The following ZNRF3 variants were observed in gnomAD, a reference collection of about 807,000 sequenced individuals.
ZNRF3 encodes E3 ubiquitin-protein ligase ZNRF3.
A neutral mutation model predicts 72.5 loss-of-function variants in ZNRF3; 23 were observed. The ratio of observed to expected loss-of-function variants is 0.32; its 90% CI spans 0.23 to 0.45. ZNRF3 has a LOEUF of 0.45. Ranked by LOEUF, ZNRF3 falls within the 20% of genes least tolerant of loss-of-function variation. ZNRF3 has a pLI of 1.00. For missense variants in ZNRF3, 1,169 were observed against 1,272.1 expected, an observed-to-expected ratio of 0.92 and a Z score of 1.23; for synonymous variants, 610 against 545.3, an observed-to-expected ratio of 1.12 and a Z score of -1.65.
At chr22:28,971,074 C>T (rs142532052) in intron 1 of ZNRF3, among the ~76,000 whole-genome samples, 12 of 152,154 alleles carry the variant, frequency 7.9e-5, no homozygotes, top group East Asian at 5.8e-4. Context: ...CTGTAGTCCC[C>T]GCAAGTTGGG....
intron 2 of ZNRF3, among the ~76,000 whole-genome samples, chr22:29,016,358 A>G (rs58410471): frequency 0.022 from 3,365 of 152,312 alleles, 82 homozygotes; most frequent in African/African-American, 0.057. Context: ...ATAAGGAAAC[A>G]AGGCTTTGCT....
In ZNRF3 at chr22:29,049,144, C is replaced by CT. The variant is rs535679453; in HGVS notation, c.1016-52dup. Reference sequence around the variant, plus strand: ...CCCGTTTTAAAAATCCCTTTAGCCTCTGACACCAGTATGCTCAGCCCTGCC... The same window carrying CT: ...CCCGTTTTAAAAATCCCTTTAGCCTCTTGACACCAGTATGCTCAGCCCTGCC... On this transcript the variant is annotated intron_variant, in intron 7 of 8. Transcript: ENST00000544604. This position sits in a 1 kb window ranked among gnomAD's most constrained non-coding sequence, Gnocchi z 5.2. 1.3e-3 allele frequency: 1,937 copies of CT among 1,517,578 alleles called. 27 individuals carry two copies. The African/African-American group carries it at 0.025, about 19-fold the overall frequency. The allele number at this position is 1,517,578 out of a possible 1,614,324, so 94.0% of individuals were successfully genotyped here.
At chr22:29,000,713 G>A (rs944794976) in intron 2 of ZNRF3, among the ~76,000 whole-genome samples, 1 of 152,210 alleles carries the variant, frequency 6.6e-6, no homozygotes. Flanking sequence ...CAGGAAGTGT[G>A]TTGCCAGCAT....
intron 5 of ZNRF3, among the ~76,000 whole-genome samples, 172 bp from the exon 6 acceptor site, chr22:29,046,544 G>A (rs187990053): frequency 7.7e-4 from 117 of 152,222 alleles, no homozygotes; most frequent in African/African-American, 2.3e-3. Context: ...CACCCCACGC[G>A]TCTGGAGAAT....
chr22:28,884,526 T>G (rs1314712951), intron 1 of ZNRF3, among the ~76,000 whole-genome samples: 1 of 152,174 alleles, frequency 6.6e-6, no homozygotes, highest in African/African-American at 2.4e-5. Flanking sequence ...CTGCACAACG[T>G]CGGGTTCTTC....
At chr22:28,886,830 C>T (rs190125470) in intron 1 of ZNRF3, among the ~76,000 whole-genome samples, 22 of 151,988 alleles carry the variant, frequency 1.4e-4, no homozygotes, top group African/African-American at 5.3e-4. Flanking sequence ...GTGGTGTGCA[C>T]CTGTAGTCCC....
chr22:29,049,743 T>G lies in ZNRF3; in HGVS notation c.1562T>G (p.Leu521Arg), dbSNP rs986165223. The G allele has an allele frequency of 6.3e-7, 1 of 1,595,516 alleles. No homozygotes were observed. The highest frequency in any genetic ancestry group is 1.3e-5 in the African/African-American group (1 of 74,668). ...GTGCACGTGGCCCCGCCCTCCCACC[T>G]GGAGAGCGGCAGCACGTCCAGCTTC... Reference protein sequence around the residue: ...TVVHVAPPSHLESGSTSSFSC... With the variant: ...TVVHVAPPSHRESGSTSSFSC... The change falls in exon 8 of 9, where the codon CTG becomes CGG. Residue 521 changes from leucine to arginine, a missense_variant. Physicochemically the swap from Leu to Arg is moderately radical, Grantham distance 102. Transcript: ENST00000544604. This position sits in a 1 kb window ranked among gnomAD's most constrained non-coding sequence, Gnocchi z 5.2.
Position 28,931,205 on chromosome 22 carries a change from G to A in ZNRF3, c.300+47139G>A, listed in dbSNP as rs190434044. On this transcript the variant is annotated intron_variant, in intron 1 of 8. Transcript: ENST00000544604. ...GCCTCTTTTGTTCTTCCAGTGATTC[G>A]TCAGCAGGTTGACTAAAATTAGAGC... Among the ~76,000 whole-genome samples, 9 of 152,214 alleles carry A rather than the reference G, an allele frequency of 5.9e-5. No individual in the cohort carries two copies. The East Asian group carries it at 1.7e-3, about 29-fold the overall frequency.
chr22:29,020,168 TAATA>T (rs2061991625), intron 2 of ZNRF3, among the ~76,000 whole-genome samples: 1 of 151,300 alleles, frequency 6.6e-6, no homozygotes, highest in Admixed American at 6.6e-5. Context: ...TACTATGTAT[TAATA>T]AATAGTTGTT....
intron 1 of ZNRF3, among the ~76,000 whole-genome samples, chr22:28,945,308 A>G (rs768509880): frequency 6.6e-6 from 1 of 152,210 alleles, no homozygotes; most frequent in African/African-American, 2.4e-5. Flanking sequence ...CTGTGCAGAC[A>G]TCTAGATTGT....
intron 1 of ZNRF3, among the ~76,000 whole-genome samples, chr22:28,885,433 TAAAAA>T (rs370775745): frequency 5.1e-4 from 78 of 152,216 alleles, no homozygotes; most frequent in African/African-American, 1.8e-3. Flanking sequence ...CTTTTGGACT[TAAAAA>T]AAGTTGTAAT....
At chr22:28,916,659 A>G (rs1405485469) in intron 1 of ZNRF3, among the ~76,000 whole-genome samples, 1 of 152,180 alleles carries the variant, frequency 6.6e-6, no homozygotes, top group Non-Finnish European at 1.5e-5. Flanking sequence ...TCTTGTGCTT[A>G]TTTAATCAGG....
intron 2 of ZNRF3, among the ~76,000 whole-genome samples, chr22:29,037,728 A>G (rs998567931): frequency 3.9e-5 from 6 of 152,220 alleles, no homozygotes; most frequent in Non-Finnish European, 7.3e-5. Context: ...GACCGTGGCA[A>G]TCTTTCATTC....
At chr22:28,888,023 G>T (rs904855643) in intron 1 of ZNRF3, among the ~76,000 whole-genome samples, 1 of 152,152 alleles carries the variant, frequency 6.6e-6, no homozygotes, top group African/African-American at 2.4e-5. Context: ...TTTGTAGAAG[G>T]AATCTGAATG....
intron 1 of ZNRF3, among the ~76,000 whole-genome samples, chr22:28,905,793 A>T (rs994545525): frequency 3.9e-5 from 6 of 152,194 alleles, no homozygotes; most frequent in East Asian, 1.9e-4. Context: ...ATGAATGAAT[A>T]CACTATTCTT....
At chr22:28,885,486 A>AAG (rs1316380873) in intron 1 of ZNRF3, among the ~76,000 whole-genome samples, 1 of 151,832 alleles carries the variant, frequency 6.6e-6, no homozygotes, top group Non-Finnish European at 1.5e-5. Flanking sequence ...TGCTTTGCTG[A>AAG]AGATTCCTAA....
intron 1 of ZNRF3, among the ~76,000 whole-genome samples, chr22:28,920,079 C>T (rs550670600): frequency 4.0e-5 from 6 of 150,958 alleles, no homozygotes; most frequent in African/African-American, 1.2e-4. Flanking sequence ...AAGCAATTCT[C>T]GTGCCTCAGC....
At position 29,013,926 on chromosome 22, in the gene ZNRF3, A is replaced by G. The variant is rs183013968; in HGVS notation, c.426+26725A>G. On this transcript the variant is annotated intron_variant, in intron 2 of 8. Coordinates refer to ENST00000544604, the MANE Select transcript of ZNRF3 (RefSeq NM_001206998.2). Reference sequence around the variant, plus strand: ...GTTAGGCTGGGCGCAATGCTCTAACATAAGCAACCATGGGCCTCACAGAAT... The same window carrying G: ...GTTAGGCTGGGCGCAATGCTCTAACGTAAGCAACCATGGGCCTCACAGAAT... Among the ~76,000 whole-genome samples, 704 of 152,370 alleles carry G rather than the reference A, an allele frequency of 4.6e-3. 1 individual carries two copies. Among genetic ancestry groups the G allele is most frequent in the Middle Eastern group, 0.02 (6 of 294 alleles).
intron 4 of ZNRF3, 103 bp downstream of exon 4, chr22:29,043,533 G>A: frequency 1.4e-6 from 2 of 1,433,060 alleles, no homozygotes; most frequent in South Asian, 1.3e-5. Flanking sequence ...TGAAATGCTG[G>A]CATACCCCAG....
Sources: allele counts gnomAD v4.1 joint callset (sites outside exome capture counted in the v4.1 genomes callset), GRCh38; gene constraint gnomAD v4.1.1; non-coding constraint Gnocchi (gnomAD v3.1); transcripts MANE v1.5; gene names NCBI Gene and HGNC (gene_info 2026-07-23, HGNC 2026-07-21).